Variants in EPB41L4A observed in about 807,000 individuals in gnomAD.
EPB41L4A encodes the protein band 4.1-like protein 4A.
Under a neutral mutation model 108.6 loss-of-function variants are expected in EPB41L4A, and 100 were observed. The ratio of observed to expected loss-of-function variants is 0.92; its 90% CI spans 0.78 to 1.09. EPB41L4A has a LOEUF of 1.09. Among genes scored for constraint, EPB41L4A ranks in the 50% least tolerant of loss-of-function variants. EPB41L4A has a pLI of 0.00. For synonymous variants in EPB41L4A, 319 were observed against 289.0 expected (o/e 1.10, Z -1.05); for missense variants, 1,030 against 842.7 (o/e 1.22, Z -2.75).
chr5:112,239,717 T>C lies in EPB41L4A; in HGVS notation c.908A>G (p.Asn303Ser). The C allele has an allele frequency of 6.2e-7, 1 of 1,609,258 alleles. No individual in the cohort carries two copies. Among genetic ancestry groups the C allele is most frequent in the African/African-American group, 1.3e-5 (1 of 74,838 alleles). ...CTTGCTGAGTTTTCTTGACAGTGAA[T>C]TGGATTCATTTTCTGGCATTCTAAT... The part of the protein sequence containing the change: ...TFFRMPENES[N>S]SLSRKLSKFG... Residue 303 changes from asparagine (N) to serine (S), a missense_variant, in exon 11 of 23, where the codon AAT (asparagine) becomes AGT (serine). Physicochemically the swap from Asn to Ser is conservative, Grantham distance 46. Coordinates refer to ENST00000261486, the MANE Select transcript of EPB41L4A (RefSeq NM_022140.5).
intron 17 of EPB41L4A, among the ~76,000 whole-genome samples, chr5:112,187,336 T>C (rs1469572467): frequency 1.8e-4 from 28 of 152,198 alleles, no homozygotes; most frequent in Non-Finnish European, 7.3e-5. Flanking sequence ...TCAACAACTG[T>C]GGTAGGAAGT....
At chr5:112,211,806 A>G (rs1050483303) in intron 12 of EPB41L4A, among the ~76,000 whole-genome samples, 1 of 152,214 alleles carries the variant, frequency 6.6e-6, no homozygotes. Flanking sequence ...GTGGTTTCAG[A>G]TAAGAGTTCC....
chr5:112,386,836 C>T (rs1327752120), intron 1 of EPB41L4A, among the ~76,000 whole-genome samples: 2 of 152,144 alleles, frequency 1.3e-5, no homozygotes, highest in Non-Finnish European at 2.9e-5. Flanking sequence ...AGTGATTCTC[C>T]AGCAATAAAG....
intron 17 of EPB41L4A, among the ~76,000 whole-genome samples, chr5:112,189,617 C>G (rs1050957779): frequency 1.3e-5 from 2 of 152,132 alleles, no homozygotes; most frequent in African/African-American, 4.8e-5. Flanking sequence ...CCCTAAGCTG[C>G]TCTCGTTTCT....
At chr5:112,224,906 T>C (rs1338171494) in intron 12 of EPB41L4A, among the ~76,000 whole-genome samples, 1 of 152,226 alleles carries the variant, frequency 6.6e-6, no homozygotes, top group East Asian at 1.9e-4. Context: ...TAGCCACCCA[T>C]ATAACAATTC....
intron 1 of EPB41L4A, among the ~76,000 whole-genome samples, chr5:112,330,746 G>C (rs1198742410): frequency 6.6e-6 from 1 of 150,502 alleles, no homozygotes; most frequent in Admixed American, 6.6e-5. Context: ...TTCTATCTTT[G>C]GTATAGGTTT....
At position 112,257,726 on chromosome 5, in the gene EPB41L4A, T is replaced by C. The variant is rs764486103; in HGVS notation, c.795+1503A>G. ...TATAAGGAAAGAATACTCTGAATAA[T>C]AGTAATGCTTCCATAAGTCTTTTGA... On this transcript the variant is annotated intron_variant, in intron 9 of 22. Coordinates refer to ENST00000261486, the MANE Select transcript of EPB41L4A (RefSeq NM_022140.5). 2.8e-4 allele frequency among the ~76,000 whole-genome samples: 43 copies of C among 152,306 alleles called. No homozygotes were observed. In the Middle Eastern group the frequency reaches 0.014, roughly 48 times the overall value.
At chr5:112,149,219 G>A (rs1266851601) in intron 12 of EPB41L4A, among the ~76,000 whole-genome samples, 2 of 152,206 alleles carry the variant, frequency 1.3e-5, no homozygotes, top group South Asian at 2.1e-4. Context: ...GCTTATGCCT[G>A]TAATCCCAGC....
Position 112,204,414 on chromosome 5 carries a change from C to CA in EPB41L4A, c.1336dup (p.Cys446LeufsTer4). 6.2e-7 allele frequency: 1 copy of CA among 1,613,882 alleles called. No individual in the cohort carries two copies. Among genetic ancestry groups the CA allele is most frequent in the Admixed American group, 1.7e-5 (1 of 60,010 alleles). On this transcript the variant is annotated frameshift_variant, in exon 15 of 23. Coordinates refer to ENST00000261486, the MANE Select transcript of EPB41L4A (RefSeq NM_022140.5). LOFTEE classifies it high-confidence loss of function. ...CTGTACAGAATCATTGTCACTTCCA[C>CA]AGGAGGGGTTTCGGCGACGCGTGTA...
At chr5:112,318,241 A>G (rs547319123) in intron 1 of EPB41L4A, among the ~76,000 whole-genome samples, 1 of 152,206 alleles carries the variant, frequency 6.6e-6, no homozygotes, top group African/African-American at 2.4e-5. Context: ...TCAGCAACAA[A>G]ATAAAACCAA....
At chr5:112,346,215 C>CTTTT (rs1479210695) in intron 1 of EPB41L4A, among the ~76,000 whole-genome samples, 1 of 49,042 alleles carries the variant, frequency 2.0e-5, no homozygotes, top group African/African-American at 4.5e-5. Flanking sequence ...AGGTACATTG[C>CTTTT]ATTTTTTTTT....
At chr5:112,188,416 G>A (rs1002157648) in intron 17 of EPB41L4A, among the ~76,000 whole-genome samples, 1 of 152,046 alleles carries the variant, frequency 6.6e-6, no homozygotes, top group Non-Finnish European at 1.5e-5. Context: ...ACTACAATGG[G>A]CTACCTCTGG....
chr5:112,338,674 C>T (rs1249654656), intron 1 of EPB41L4A, among the ~76,000 whole-genome samples: 1 of 152,232 alleles, frequency 6.6e-6, no homozygotes, highest in Non-Finnish European at 1.5e-5. Flanking sequence ...CAAACACATA[C>T]ACACATTGTG....
At chr5:112,231,779 T>A (rs10044483) in intron 12 of EPB41L4A, among the ~76,000 whole-genome samples, 1 of 124,792 alleles carries the variant, frequency 8.0e-6, no homozygotes, top group Admixed American at 8.4e-5. Flanking sequence ...GCGACAGAGC[T>A]AGACTCCGTC....
chr5:112,171,129 A>G, intron 18 of EPB41L4A, 137 bp from the exon 19 acceptor site: 1 of 723,158 alleles, frequency 1.4e-6, no homozygotes, highest in Non-Finnish European at 2.3e-6. Flanking sequence ...GGACAGGGAG[A>G]GCCATTGTGA....
intron 1 of EPB41L4A, among the ~76,000 whole-genome samples, chr5:112,364,910 A>G (rs1759028631): frequency 6.6e-6 from 1 of 152,234 alleles, no homozygotes; most frequent in Non-Finnish European, 1.5e-5. Context: ...ATATACCCTT[A>G]TATTCATAGA....
intron 1 of EPB41L4A, among the ~76,000 whole-genome samples, chr5:112,314,279 G>A (rs1226746001): frequency 6.6e-6 from 1 of 151,628 alleles, no homozygotes; most frequent in Non-Finnish European, 1.5e-5. Flanking sequence ...TGCTGAAAAG[G>A]GGCTTCATTT....
chr5:112,297,304 A>AT (rs1754057400), intron 2 of EPB41L4A, among the ~76,000 whole-genome samples: 1 of 151,606 alleles, frequency 6.6e-6, no homozygotes. Flanking sequence ...AAAATCTATT[A>AT]TTTTTTTATT....
intron 2 of EPB41L4A, among the ~76,000 whole-genome samples, chr5:112,295,272 A>G (rs528406267): frequency 1.3e-5 from 2 of 152,194 alleles, no homozygotes; most frequent in African/African-American, 2.4e-5. Context: ...ATGACACCCA[A>G]GATTCTAGCT....
Sources: allele counts gnomAD v4.1 joint callset (sites outside exome capture counted in the v4.1 genomes callset), GRCh38; gene constraint gnomAD v4.1.1; transcripts MANE v1.5; gene names NCBI Gene and HGNC (gene_info 2026-07-23, HGNC 2026-07-21).